OCM: variants seen among roughly 807,000 people sequenced by gnomAD.
OCM encodes the protein oncomodulin-1.
OCM carries 18 observed loss-of-function variants against 14.1 expected under a neutral mutation model. That is an observed-to-expected ratio of 1.28 (90% CI 0.88 to 1.89). The LOEUF (loss-of-function observed/expected upper bound fraction) is 1.89, where lower values mean the gene tolerates loss of function less well. Among genes scored for constraint, OCM ranks in the 40% most tolerant of loss-of-function variants. The pLI, the probability that OCM is intolerant of heterozygous loss-of-function variation, is 0.00. For missense variants in OCM, 140 were observed against 137.6 expected (o/e 1.02, Z -0.09); for synonymous variants, 48 against 51.0 (o/e 0.94, Z 0.25).
the OCM span, among the ~76,000 whole-genome samples, chr7:5,860,242 C>T: frequency 6.6e-6 from 1 of 151,722 alleles, no homozygotes; most frequent in Non-Finnish European, 1.5e-5. Context: ...CGGAGCCGCT[C>T]ACATTTCTTG....
At chr7:5,873,983 AG>A in the OCM span, among the ~76,000 whole-genome samples, 1 of 150,870 alleles carries the variant, frequency 6.6e-6, no homozygotes, top group Non-Finnish European at 1.5e-5. Flanking sequence ...TGGGAGGCTG[AG>A]GGGGGCGGAC....
At chr7:5,872,075 C>T in the OCM span, 3 of 152,318 alleles carry the variant, frequency 2.0e-5, no homozygotes, top group South Asian at 2.1e-4. Flanking sequence ...CACTGCGTAC[C>T]GGAGCCCACA....
chr7:5,865,081 A>G, the OCM span, among the ~76,000 whole-genome samples: 1 of 152,220 alleles, frequency 6.6e-6, no homozygotes, highest in African/African-American at 2.4e-5. Flanking sequence ...TGGGATTCCC[A>G]TTAACCAAAT....
upstream of OCM, among the ~76,000 whole-genome samples, chr7:5,878,456 G>T (rs1469554354): frequency 6.7e-6 from 1 of 150,342 alleles, no homozygotes; most frequent in Non-Finnish European, 1.5e-5. Context: ...CTTAAAAATG[G>T]TTAAGATTGG....
chr7:5,880,571 C>G (rs1030356021), upstream of OCM, among the ~76,000 whole-genome samples: 1 of 151,982 alleles, frequency 6.6e-6, no homozygotes. Flanking sequence ...CCAGCCTGGC[C>G]AACATGGCAA....
chr7:5,886,133 G>A lies in OCM; in HGVS notation c.*44G>A. 2.5e-6 allele frequency: 4 copies of A among 1,581,952 alleles called. No individual in the cohort carries two copies. Among genetic ancestry groups the A allele is most frequent in the Non-Finnish European group, 2.6e-6 (3 of 1,151,820 alleles). Reference sequence around the variant, plus strand: ...AAAAGAGAGAAAGGGATAATCACCTGGAAGGATTCCAAAGCCCTGGGAATG... The same window carrying A: ...AAAAGAGAGAAAGGGATAATCACCTAGAAGGATTCCAAAGCCCTGGGAATG... On this transcript the variant is annotated 3_prime_UTR_variant, in exon 4 of 4. Coordinates refer to ENST00000242104, the MANE Select transcript of OCM (RefSeq NM_001097622.2).
At chr7:5,877,294 G>GT (rs755892717), upstream of OCM, among the ~76,000 whole-genome samples, 1 of 148,236 alleles carries the variant, frequency 6.7e-6, no homozygotes, top group Non-Finnish European at 1.5e-5. Flanking sequence ...TGAGGCCCCC[G>GT]TTTCTACCAA....
the OCM span, among the ~76,000 whole-genome samples, chr7:5,865,875 C>A: frequency 6.6e-6 from 1 of 152,104 alleles, no homozygotes; most frequent in Admixed American, 6.6e-5. Flanking sequence ...AAAGAAAATG[C>A]ATATACACAT....
At chr7:5,862,602 GTTTAC>G in the OCM span, among the ~76,000 whole-genome samples, 22 of 152,200 alleles carry the variant, frequency 1.4e-4, no homozygotes, top group South Asian at 1.0e-3. Context: ...CTCTTTTCAT[GTTTAC>G]TTTATGTTAT....
At chr7:5,872,487 C>T in the OCM span, among the ~76,000 whole-genome samples, 3 of 152,098 alleles carry the variant, frequency 2.0e-5, no homozygotes, top group African/African-American at 7.2e-5. Context: ...CTGGATCCCA[C>T]CCCATCCCCC....
upstream of OCM, chr7:5,880,772 AAAT>A (rs1781195075): frequency 6.4e-6 from 6 of 940,172 alleles, no homozygotes; most frequent in Admixed American, 2.6e-5. Flanking sequence ...TTAAAAAAAA[AAAT>A]AATCTAGACA....
chr7:5,874,398 A>G, the OCM span, among the ~76,000 whole-genome samples: 1 of 151,526 alleles, frequency 6.6e-6, no homozygotes, highest in Non-Finnish European at 1.5e-5. Flanking sequence ...TTACATAAAT[A>G]TGCAAATATA....
the OCM span, among the ~76,000 whole-genome samples, chr7:5,873,793 T>A: frequency 6.6e-6 from 1 of 152,016 alleles, no homozygotes; most frequent in South Asian, 2.1e-4. Flanking sequence ...GAAGAGAAGA[T>A]GAAGTTGAGA....
At chr7:5,865,060 C>G in the OCM span, among the ~76,000 whole-genome samples, 1 of 152,292 alleles carries the variant, frequency 6.6e-6, no homozygotes, top group East Asian at 1.9e-4. Context: ...TTGATACCAT[C>G]GGATATGACC....
At chr7:5,869,488 C>T in the OCM span, among the ~76,000 whole-genome samples, 2 of 152,074 alleles carry the variant, frequency 1.3e-5, no homozygotes, top group South Asian at 4.1e-4. Flanking sequence ...GTCCCCGCTA[C>T]TCAGGAGGGT....
chr7:5,864,584 G>T, the OCM span, among the ~76,000 whole-genome samples: 1 of 151,990 alleles, frequency 6.6e-6, no homozygotes, highest in African/African-American at 2.4e-5. Flanking sequence ...AGCATGTCCT[G>T]GTTTTCTAGA....
At chr7:5,875,334 G>C (rs1326366778), upstream of OCM, among the ~76,000 whole-genome samples, 1 of 152,068 alleles carries the variant, frequency 6.6e-6, no homozygotes, top group Non-Finnish European at 1.5e-5. Flanking sequence ...TGGGATTACA[G>C]GTGTAAGCCA....
At chr7:5,883,120 G>A (rs1356759452) in intron 2 of OCM, among the ~76,000 whole-genome samples, 1 of 152,120 alleles carries the variant, frequency 6.6e-6, no homozygotes, top group Non-Finnish European at 1.5e-5. Flanking sequence ...GGGATTACAG[G>A]TGTGAGTCAC....
the OCM span, among the ~76,000 whole-genome samples, chr7:5,874,257 C>CTATTTCCACA: frequency 8.0e-6 from 1 of 125,690 alleles, no homozygotes; most frequent in African/African-American, 3.0e-5. Flanking sequence ...AAAAAAAGAT[C>CTATTTCCACA]TATTTCCACA....
Sources: allele counts gnomAD v4.1 joint callset (sites outside exome capture counted in the v4.1 genomes callset), GRCh38; gene constraint gnomAD v4.1.1; transcripts MANE v1.5; gene names NCBI Gene and HGNC (gene_info 2026-07-23, HGNC 2026-07-21).